RAB22A: variants seen among roughly 807,000 people sequenced by gnomAD.
RAB22A encodes the protein ras-related protein Rab-22A.
A neutral mutation model predicts 30.2 loss-of-function variants in RAB22A; 13 were observed. That is an observed-to-expected ratio of 0.43 (90% CI 0.28 to 0.68). RAB22A has a LOEUF of 0.68. Ranked by LOEUF, RAB22A falls within the 30% of genes least tolerant of loss-of-function variation. RAB22A has a pLI of 0.18. For synonymous variants in RAB22A, 89 were observed against 87.2 expected (o/e 1.02, Z -0.11); for missense variants, 177 against 246.8 (o/e 0.72, Z 1.89).
At chr20:58,344,765 A>T (rs1435776287) in intron 3 of RAB22A, among the ~76,000 whole-genome samples, 1 of 152,218 alleles carries the variant, frequency 6.6e-6, no homozygotes, top group African/African-American at 2.4e-5. Flanking sequence ...ATCATCACAG[A>T]CAAATGGAGG....
rs538726322 is a variant in RAB22A, at chr20:58,350,114, G to T, written c.199-3159G>T. Among the ~76,000 whole-genome samples the T allele has an allele frequency of 2.0e-5, 3 of 152,210 alleles. No homozygotes were observed. The South Asian group carries it at 6.2e-4, about 32-fold the overall frequency. ...CCATCTCTTAAGGGAAAAAAAAAAG[G>T]AGTGTTAATGACTTAACTGCAAATG... On this transcript the variant is annotated intron_variant, in intron 3 of 6. Transcript: ENST00000244040.
intron 1 of RAB22A, 81 bp from the exon 2 acceptor site, chr20:58,310,962 C>G: frequency 1.7e-6 from 2 of 1,177,508 alleles, no homozygotes; most frequent in Non-Finnish European, 2.6e-6. Context: ...TTCTAAAATC[C>G]TGAACTTATG....
intron 2 of RAB22A, among the ~76,000 whole-genome samples, chr20:58,342,648 CA>C (rs10709063): frequency 0.55 from 68,015 of 123,962 alleles, 16,461 homozygotes; most frequent in South Asian, 0.66. Context: ...TACAATTTGG[CA>C]AAAAAAAAAA....
At chr20:58,344,189 A>T (rs1027207702) in intron 3 of RAB22A, among the ~76,000 whole-genome samples, 1 of 152,246 alleles carries the variant, frequency 6.6e-6, no homozygotes, top group East Asian at 1.9e-4. Flanking sequence ...TAAAAGCTAA[A>T]GAGGGAACTT....
intron 2 of RAB22A, among the ~76,000 whole-genome samples, chr20:58,329,014 C>T (rs905805894): frequency 2.0e-5 from 3 of 151,006 alleles, no homozygotes; most frequent in Non-Finnish European, 2.9e-5. Context: ...AAGATCGCCT[C>T]GGTATTTGTT....
At position 58,351,929 on chromosome 20, in the gene RAB22A, C is replaced by A. The variant is rs73616267; in HGVS notation, c.199-1344C>A. On this transcript the variant is annotated intron_variant, in intron 3 of 6. Coordinates refer to ENST00000244040, the MANE Select transcript of RAB22A (RefSeq NM_020673.3). ...TCAAAAATCAGGACCCAACTATGTG[C>A]TGGTTATAAGAGGACTACTATAAAT... 5.9e-5 allele frequency among the ~76,000 whole-genome samples: 9 copies of A among 152,266 alleles called. No individual in the cohort carries two copies. In the East Asian group the frequency reaches 1.7e-3, roughly 29 times the overall value.
chr20:58,338,136 C>T (rs532293804), intron 2 of RAB22A, among the ~76,000 whole-genome samples: 1 of 152,046 alleles, frequency 6.6e-6, no homozygotes, highest in Non-Finnish European at 1.5e-5. Flanking sequence ...AAGTAATTCT[C>T]CTGCCTCAGC....
intron 6 of RAB22A, among the ~76,000 whole-genome samples, chr20:58,355,686 T>C (rs375823681): frequency 3.5e-4 from 53 of 152,238 alleles, no homozygotes; most frequent in African/African-American, 1.3e-3. Context: ...TACTAGGGCA[T>C]TGTGGCATGC....
At chr20:58,359,350 C>T (rs1426140729) in intron 6 of RAB22A, among the ~76,000 whole-genome samples, 2 of 152,068 alleles carry the variant, frequency 1.3e-5, no homozygotes, top group Non-Finnish European at 2.9e-5. Context: ...AGTGATGTGG[C>T]AATGTTGAAC....
At position 58,353,316 on chromosome 20, in the gene RAB22A, C is replaced by G; in HGVS notation, c.242C>G (p.Ala81Gly). The G allele has an allele frequency of 6.2e-7, 1 of 1,614,076 alleles. No homozygotes were observed. The highest frequency in any genetic ancestry group is 8.5e-7 in the Non-Finnish European group (1 of 1,179,966). The change falls in exon 4 of 7, where the codon GCT (alanine) becomes GGT (glycine). Residue 81 changes from alanine to glycine, a missense_variant. Coordinates refer to ENST00000244040, the MANE Select transcript of RAB22A (RefSeq NM_020673.3). ...ATGTACTATCGAGGGTCGGCTGCAG[C>G]TATAATCGTTTATGATATCACAAAA... The part of the protein sequence containing the change: ...APMYYRGSAA[A>G]IIVYDITKEE...
intron 2 of RAB22A, among the ~76,000 whole-genome samples, chr20:58,329,902 G>A (rs1986634122): frequency 6.6e-6 from 1 of 152,084 alleles, no homozygotes; most frequent in African/African-American, 2.4e-5. Flanking sequence ...TTAGTCATGG[G>A]TTTCACATCC....
rs1987248053 is a variant in RAB22A at position 58,362,792 on chromosome 20, A to G, written c.*3089A>G. On this transcript the variant is annotated 3_prime_UTR_variant, in exon 7 of 7. Transcript: ENST00000244040. ...TAACTTATTTTCTTGTGACCCGTTT[A>G]TGATGTTGTTTGAAGTCCCTGTTTC... The G allele has an allele frequency of 6.6e-6, 1 of 152,182 alleles. No homozygotes were observed. The highest frequency in any genetic ancestry group is 2.1e-4 in the South Asian group (1 of 4,828). The allele number at this position is 152,182 out of a possible 1,614,324, so 9.4% of individuals were successfully genotyped here.
At chr20:58,337,231 G>A (rs1253061975) in intron 2 of RAB22A, among the ~76,000 whole-genome samples, 2 of 152,238 alleles carry the variant, frequency 1.3e-5, no homozygotes, top group Non-Finnish European at 1.5e-5. Flanking sequence ...AGTTCTGAGG[G>A]GAGAATTCAT....
chr20:58,319,144 GAAA>G (rs369752561), intron 2 of RAB22A, among the ~76,000 whole-genome samples: 1 of 146,800 alleles, frequency 6.8e-6, no homozygotes, highest in Non-Finnish European at 1.5e-5. Context: ...CTGACATATG[GAAA>G]AAAAAAAGAT....
At chr20:58,356,790 T>G (rs769199841) in intron 6 of RAB22A, among the ~76,000 whole-genome samples, 1 of 152,216 alleles carries the variant, frequency 6.6e-6, no homozygotes, top group Admixed American at 6.5e-5. Flanking sequence ...AGACCATCCA[T>G]GTCATTGCAT....
At chr20:58,314,091 C>T (rs1986286924) in intron 2 of RAB22A, among the ~76,000 whole-genome samples, 2 of 151,636 alleles carry the variant, frequency 1.3e-5, no homozygotes, top group Admixed American at 6.6e-5. Flanking sequence ...CTCTATTACC[C>T]AGGCTGGATT....
At position 58,365,064 on chromosome 20, in the gene RAB22A, A is replaced by C. The variant is rs992745551; in HGVS notation, c.*5361A>C. 2 of 152,092 alleles carry C rather than the reference A, an allele frequency of 1.3e-5. No individual in the cohort carries two copies. Among genetic ancestry groups the C allele is most frequent in the Non-Finnish European group, 2.9e-5 (2 of 68,022 alleles). 9.4% of individuals were successfully genotyped at this position (152,092 alleles called of 1,614,324 possible). Reference sequence around the variant, plus strand: ...ACGATTTTTTTAAAGGGCCTTTCTTAATTGACAGTTTTAAGCTGTAGACAT... The same window carrying C: ...ACGATTTTTTTAAAGGGCCTTTCTTCATTGACAGTTTTAAGCTGTAGACAT... On this transcript the variant is annotated 3_prime_UTR_variant, in exon 7 of 7. Coordinates refer to ENST00000244040, the MANE Select transcript of RAB22A (RefSeq NM_020673.3).
At chr20:58,341,301 G>A (rs1468619147) in intron 2 of RAB22A, among the ~76,000 whole-genome samples, 3 of 152,186 alleles carry the variant, frequency 2.0e-5, no homozygotes, top group African/African-American at 7.2e-5. Flanking sequence ...GGCCTAAGAC[G>A]CATGCCCAGC....
intron 6 of RAB22A, 43 bp from the exon 7 acceptor site, chr20:58,359,563 A>G: frequency 7.0e-7 from 1 of 1,427,970 alleles, no homozygotes; most frequent in Non-Finnish European, 9.7e-7. Context: ...TGTGTCTGAG[A>G]AAGTTAAAGC....
Sources: allele counts gnomAD v4.1 joint callset (sites outside exome capture counted in the v4.1 genomes callset), GRCh38; gene constraint gnomAD v4.1.1; transcripts MANE v1.5; gene names NCBI Gene and HGNC (gene_info 2026-07-23, HGNC 2026-07-21).